The following DLG1 variants were observed in gnomAD, a reference collection of about 807,000 sequenced individuals.
The protein encoded by DLG1 is discs large MAGUK scaffold protein 1.
In DLG1, 42 loss-of-function variants were observed where a neutral mutation model predicts 123.4. The ratio of observed to expected loss-of-function variants is 0.34; its 90% CI spans 0.27 to 0.44. The LOEUF (loss-of-function observed/expected upper bound fraction) is 0.44. DLG1 is among the 20% of genes least tolerant of loss of function. The pLI is 1.00. For missense variants in DLG1, 942 were observed against 1,082.6 expected (o/e 0.87, Z 1.82); for synonymous variants, 317 against 356.2 (o/e 0.89, Z 1.24).
chr3:197,261,767 T>C (rs573087358), intron 4 of DLG1, among the ~76,000 whole-genome samples: 5 of 152,310 alleles, frequency 3.3e-5, no homozygotes, highest in African/African-American at 1.2e-4. Context: ...ATTACTATTA[T>C]TAGTATGTAT....
intron 5 of DLG1, among the ~76,000 whole-genome samples, chr3:197,157,613 A>G (rs1311691004): frequency 6.6e-6 from 1 of 152,210 alleles, no homozygotes; most frequent in East Asian, 1.9e-4. Context: ...AAATGTCAAT[A>G]TTACCCAAAG....
chr3:197,181,231 T>C (rs1200530280), intron 5 of DLG1, among the ~76,000 whole-genome samples: 14 of 152,202 alleles, frequency 9.2e-5, no homozygotes, highest in Non-Finnish European at 1.5e-5. Flanking sequence ...GTTTTCATAC[T>C]AATAGAACTT....
intron 4 of DLG1, among the ~76,000 whole-genome samples, chr3:197,240,188 T>C (rs1399933552): frequency 1.3e-5 from 2 of 152,112 alleles, no homozygotes; most frequent in African/African-American, 4.8e-5. Context: ...TGAATCAGAG[T>C]AGATGTTCAT....
At chr3:197,260,421 A>C (rs1758813759) in intron 4 of DLG1, 9 of 292,650 alleles carry the variant, frequency 3.1e-5, no homozygotes, top group South Asian at 2.9e-4. Flanking sequence ...CTGTAACTAG[A>C]TCTCTCCAGG....
At chr3:197,151,881 C>T (rs902303076) in intron 5 of DLG1, among the ~76,000 whole-genome samples, 1 of 152,124 alleles carries the variant, frequency 6.6e-6, no homozygotes, top group Non-Finnish European at 1.5e-5. Context: ...AATTATGTTT[C>T]TTAAGCCTTA....
At chr3:197,181,010 A>C (rs1809990398) in intron 5 of DLG1, among the ~76,000 whole-genome samples, 1 of 152,218 alleles carries the variant, frequency 6.6e-6, no homozygotes, top group African/African-American at 2.4e-5. Context: ...CTTATCATTC[A>C]AAAAACATTA....
intron 7 of DLG1, among the ~76,000 whole-genome samples, chr3:197,141,956 C>T (rs1423473506): frequency 6.6e-6 from 1 of 152,166 alleles, no homozygotes. Flanking sequence ...ATTCACCCGC[C>T]TCGGCCTCCC....
intron 22 of DLG1, among the ~76,000 whole-genome samples, chr3:197,064,935 T>C (rs182429010): frequency 6.6e-6 from 1 of 152,086 alleles, no homozygotes; most frequent in Non-Finnish European, 1.5e-5. Flanking sequence ...GCCTTCTCAG[T>C]AGCTAGGACT....
intron 5 of DLG1, among the ~76,000 whole-genome samples, chr3:197,193,337 C>A (rs181879855): frequency 2.0e-4 from 31 of 152,082 alleles, no homozygotes; most frequent in African/African-American, 6.7e-4. Flanking sequence ...ATTTTGAAAC[C>A]AAAACAATGC....
intron 4 of DLG1, among the ~76,000 whole-genome samples, chr3:197,201,158 A>G (rs1725484903): frequency 6.6e-6 from 1 of 152,148 alleles, no homozygotes; most frequent in African/African-American, 2.4e-5. Flanking sequence ...CCGAGGCGGG[A>G]GGATCACGAG....
chr3:197,234,198 T>C (rs753118436), intron 4 of DLG1, among the ~76,000 whole-genome samples: 6 of 152,256 alleles, frequency 3.9e-5, no homozygotes, highest in Non-Finnish European at 7.3e-5. Flanking sequence ...GTATTTAGTC[T>C]AATTTAAGCC....
intron 23 of DLG1, among the ~76,000 whole-genome samples, chr3:197,056,067 G>C (rs886722352): frequency 1.3e-5 from 2 of 152,192 alleles, no homozygotes; most frequent in Non-Finnish European, 2.9e-5. Context: ...ACCATGTTAA[G>C]AGCTGAAATT....
At chr3:197,275,165 G>A (rs1218844296) in intron 4 of DLG1, among the ~76,000 whole-genome samples, 10 of 140,456 alleles carry the variant, frequency 7.1e-5, no homozygotes, top group African/African-American at 2.6e-4. Context: ...CAGCCTGGGC[G>A]ACAGAGCAAG....
At chr3:197,253,191 T>A (rs1277694669) in intron 4 of DLG1, among the ~76,000 whole-genome samples, 1 of 152,140 alleles carries the variant, frequency 6.6e-6, no homozygotes, top group Non-Finnish European at 1.5e-5. Context: ...TAGTACACTA[T>A]AATAGATTAC....
At chr3:197,053,632 C>A (rs1729499178) in intron 23 of DLG1, among the ~76,000 whole-genome samples, 1 of 151,890 alleles carries the variant, frequency 6.6e-6, no homozygotes, top group African/African-American at 2.4e-5. Flanking sequence ...ATTAGCAGGG[C>A]ACAGTGGTGA....
At chr3:197,112,451 T>TG (rs1279554026) in intron 13 of DLG1, among the ~76,000 whole-genome samples, 1 of 152,230 alleles carries the variant, frequency 6.6e-6, no homozygotes, top group South Asian at 2.1e-4. Context: ...CTCAAGTCTT[T>TG]GGTGCATTTT....
intron 4 of DLG1, among the ~76,000 whole-genome samples, chr3:197,274,708 A>G (rs1485245743): frequency 1.3e-5 from 2 of 152,198 alleles, no homozygotes; most frequent in Admixed American, 6.5e-5. Flanking sequence ...ATGGGAGAAA[A>G]TATCTGCAAT....
chr3:197,131,871 G>C (rs779232244), intron 10 of DLG1, among the ~76,000 whole-genome samples: 51 of 151,982 alleles, frequency 3.4e-4, no homozygotes, highest in Non-Finnish European at 6.2e-4. Context: ...GGGATTACAG[G>C]CGTGAGCCAC....
intron 23 of DLG1, among the ~76,000 whole-genome samples, chr3:197,053,895 C>T (rs1050125061): frequency 3.3e-5 from 5 of 151,826 alleles, no homozygotes; most frequent in Non-Finnish European, 5.9e-5. Context: ...AGTTCGAGAC[C>T]AGCCTGGGAA....
Sources: allele counts gnomAD v4.1 joint callset (sites outside exome capture counted in the v4.1 genomes callset), GRCh38; gene constraint gnomAD v4.1.1; transcripts MANE v1.5; gene names NCBI Gene and HGNC (gene_info 2026-07-23, HGNC 2026-07-21).